The following TACC1 variants were observed in gnomAD, a reference collection of about 807,000 sequenced individuals.
TACC1 encodes transforming acidic coiled-coil-containing protein 1.
A neutral mutation model predicts 84.4 loss-of-function variants in TACC1; 48 were observed. The ratio of observed to expected loss-of-function variants is 0.57; its 90% confidence interval spans 0.45 to 0.72. The LOEUF is 0.72. Ranked by LOEUF, TACC1 falls within the 30% of genes least tolerant of loss-of-function variation. TACC1 has a pLI of 0.00. For missense variants in TACC1, 920 were observed against 973.0 expected (o/e 0.95, Z 0.72); for synonymous variants, 372 against 376.3 (o/e 0.99, Z 0.13).
At chr8:38,837,665 CAAAGT>C (rs1830490708) in intron 7 of TACC1, among the ~76,000 whole-genome samples, 2 of 152,262 alleles carry the variant, frequency 1.3e-5, no homozygotes, top group African/African-American at 4.8e-5. Flanking sequence ...CCTAATGGAT[CAAAGT>C]AAAGAGGTGC....
intron 2 of TACC1, among the ~76,000 whole-genome samples, chr8:38,818,403 C>G (rs759966688): frequency 6.6e-6 from 1 of 152,164 alleles, no homozygotes; most frequent in Non-Finnish European, 1.5e-5. Context: ...TTTCAGATAT[C>G]TACGTTAGGA....
chr8:38,769,298 CTG>C (rs762527842), intron 3 of TACC1, among the ~76,000 whole-genome samples: 16 of 90,830 alleles, frequency 1.8e-4, no homozygotes, highest in South Asian at 3.8e-4. Context: ...GTATGTAAGA[CTG>C]TGTATGGTGG....
At chr8:38,825,179 G>C in intron 3 of TACC1, 129 bp from the exon 4 acceptor site, 1 of 928,398 alleles carries the variant, frequency 1.1e-6, no homozygotes, top group Non-Finnish European at 1.7e-6. Flanking sequence ...CTCCTGCGGC[G>C]ATGTATGATT....
intron 5 of TACC1, among the ~76,000 whole-genome samples, chr8:38,830,524 C>T (rs1828992864): frequency 6.6e-6 from 1 of 152,216 alleles, no homozygotes; most frequent in Non-Finnish European, 1.5e-5. Context: ...ACCTTGGCCT[C>T]CCAAAGTGCT....
At chr8:38,734,794 G>A (rs894772715) in intron 1 of TACC1, among the ~76,000 whole-genome samples, 1 of 152,246 alleles carries the variant, frequency 6.6e-6, no homozygotes, top group Non-Finnish European at 1.5e-5. Context: ...ATGCCCCCTT[G>A]AGTTTCCTGC....
rs1213138002 is a variant in TACC1 at position 38,831,311 on chromosome 8, C to T, written c.1713+134C>T. 3 of 879,724 alleles carry T rather than the reference C, an allele frequency of 3.4e-6. No homozygotes were observed. The African/African-American group carries it at 5.1e-5, about 15-fold the overall frequency. The allele number at this position is 879,724 out of a possible 1,614,324, so 54.5% of individuals were successfully genotyped here. The stretch of plus-strand genomic sequence containing the variant: ...AAATGTAAATGAGATAGTTTCTTCA[C>T]TTGAGGAACACATAGTCTCTGCATT... On this transcript the variant is annotated intron_variant, in intron 6 of 12. Coordinates refer to ENST00000317827, the MANE Select transcript of TACC1 (RefSeq NM_006283.3).
exon 3 of TACC1, chr8:38,745,314 A>G (rs1356404766): frequency 6.2e-5 from 33 of 532,440 alleles, no homozygotes; most frequent in Non-Finnish European, 9.6e-5. Flanking sequence ...CAAAGGAAAA[A>G]CAACACTCAT....
chr8:38,799,439 G>A (rs1400085008), intron 2 of TACC1, among the ~76,000 whole-genome samples: 1 of 152,246 alleles, frequency 6.6e-6, no homozygotes, highest in Non-Finnish European at 1.5e-5. Context: ...GGGGCTCCGA[G>A]TCTGGAGGGA....
At chr8:38,825,655 C>A (rs183445756) in intron 4 of TACC1, among the ~76,000 whole-genome samples, 31 of 152,158 alleles carry the variant, frequency 2.0e-4, no homozygotes, top group Admixed American at 3.3e-4. Context: ...AAGGGAAGAT[C>A]TGAAATACTG....
At chr8:38,827,101 T>C in intron 4 of TACC1, 67 bp from the exon 5 acceptor site, 2 of 1,411,852 alleles carry the variant, frequency 1.4e-6, no homozygotes, top group Non-Finnish European at 2.0e-6. Context: ...GTTCCATTCA[T>C]GGGATGTCAC....
At chr8:38,740,307 C>T (rs1806815394) in intron 1 of TACC1, among the ~76,000 whole-genome samples, 1 of 152,190 alleles carries the variant, frequency 6.6e-6, no homozygotes, top group African/African-American at 2.4e-5. Context: ...CCACTTTGCT[C>T]AAGCCTCTGC....
chr8:38,752,381 G>C (rs536488209), intron 3 of TACC1, among the ~76,000 whole-genome samples: 2 of 152,276 alleles, frequency 1.3e-5, no homozygotes, highest in African/African-American at 4.8e-5. Context: ...TGAGGGAGGA[G>C]AATTGCTTGA....
chr8:38,843,462 A>G (rs1831635049), intron 11 of TACC1, 67 bp downstream of exon 11: 11 of 1,225,410 alleles, frequency 9.0e-6, no homozygotes, highest in Non-Finnish European at 1.1e-5. Context: ...GAGGAAAACA[A>G]AATCACTGTT....
At position 38,819,799 on chromosome 8, in the gene TACC1, C is replaced by G; in HGVS notation, c.555C>G (p.Ser185=). The G allele has an allele frequency of 1.2e-6, 2 of 1,613,952 alleles. No individual in the cohort carries two copies. Among genetic ancestry groups the G allele is most frequent in the Non-Finnish European group, 1.7e-6 (2 of 1,180,042 alleles). ...CAGTCTCAGGCAAGGCTCTGCCTTC[C>G]AGCCCGCCAGACGCCCTCCAGGACG... is the stretch of plus-strand genomic sequence containing the variant. ...VTAVSGKALP[S]SPPDALQDEA... The change falls in exon 3 of 13, where the codon TCC becomes TCG. Residue 185 remains serine (S), a synonymous_variant. Transcript: ENST00000317827.
intron 3 of TACC1, among the ~76,000 whole-genome samples, chr8:38,751,199 A>G (rs1379245145): frequency 1.4e-5 from 1 of 68,974 alleles, no homozygotes; most frequent in African/African-American, 3.7e-5. Context: ...TTGCTAAGGG[A>G]AAAAAAAAAT....
intron 3 of TACC1, among the ~76,000 whole-genome samples, chr8:38,761,740 C>T (rs948187440): frequency 5.9e-5 from 9 of 152,180 alleles, no homozygotes; most frequent in African/African-American, 2.2e-4. Flanking sequence ...TGTCAGTTCC[C>T]ATTTGCTATA....
chr8:38,810,247 T>C (rs1045729559), intron 2 of TACC1, among the ~76,000 whole-genome samples: 3 of 152,196 alleles, frequency 2.0e-5, no homozygotes, highest in Non-Finnish European at 4.4e-5. Flanking sequence ...TTTAAAAATA[T>C]ATTTAAAATT....
At chr8:38,742,668 T>C (rs560879315) in intron 2 of TACC1, among the ~76,000 whole-genome samples, 13 of 152,340 alleles carry the variant, frequency 8.5e-5, no homozygotes, top group African/African-American at 2.9e-4. Flanking sequence ...GGCAAGTCTG[T>C]ACTTCTGCTG....
At chr8:38,839,376 GA>G (rs1830798851) in intron 8 of TACC1, 4 of 394,376 alleles carry the variant, frequency 1.0e-5, no homozygotes, top group African/African-American at 2.1e-5. Context: ...TCAAAGTAGA[GA>G]AGAAAAAAAG....
Sources: allele counts gnomAD v4.1 joint callset (sites outside exome capture counted in the v4.1 genomes callset), GRCh38; gene constraint gnomAD v4.1.1; transcripts MANE v1.5; gene names NCBI Gene and HGNC (gene_info 2026-07-23, HGNC 2026-07-21).